FAR2: variants seen among roughly 807,000 people sequenced by gnomAD.
The protein encoded by FAR2 is epididymis secretory protein Li 81.
In FAR2, 19 loss-of-function variants were observed where a neutral mutation model predicts 56.0. The ratio of observed to expected loss-of-function variants is 0.34; its 90% CI spans 0.24 to 0.50. FAR2 has a LOEUF of 0.50. Ranked by LOEUF, FAR2 falls within the 20% of genes least tolerant of loss-of-function variation. FAR2 has a pLI of 0.98. For missense variants in FAR2, 508 were observed against 642.2 expected (o/e 0.79, Z 2.26); for synonymous variants, 219 against 218.8 (o/e 1.00, Z -0.01).
chr12:29,187,610 A>G (rs893501737), intron 1 of FAR2, among the ~76,000 whole-genome samples: 2 of 152,124 alleles, frequency 1.3e-5, no homozygotes, highest in African/African-American at 4.8e-5. Context: ...CTGGGATTTG[A>G]TACCTTTGTG....
chr12:29,183,713 C>T lies in FAR2; in HGVS notation c.-39+34306C>T, dbSNP rs138334088. 1.5e-4 allele frequency among the ~76,000 whole-genome samples: 23 copies of T among 152,172 alleles called. 1 individual carries two copies. The highest frequency in any genetic ancestry group is 3.9e-4 in the East Asian group (2 of 5,170). On this transcript the variant is annotated intron_variant, in intron 1 of 11. Coordinates refer to ENST00000536681, the MANE Select transcript of FAR2 (RefSeq NM_001271783.2). ...TGTTTTGTAGTACAGCTTTTATGTT[C>T]GTACTGAAGATAAAATGGAGAAGTA...
intron 2 of FAR2, among the ~76,000 whole-genome samples, chr12:29,275,584 G>A (rs1322306826): frequency 6.6e-6 from 1 of 152,174 alleles, no homozygotes; most frequent in African/African-American, 2.4e-5. Context: ...CACCAACAGT[G>A]TAAAAGTGTT....
rs1565688228 is a variant in FAR2 at position 29,194,909 on chromosome 12, AT to A, written c.-39+45504del. 1.3e-5 allele frequency among the ~76,000 whole-genome samples: 2 copies of A among 152,278 alleles called. 1 individual carries two copies. The highest frequency in any genetic ancestry group is 3.9e-4 in the East Asian group (2 of 5,162). On this transcript the variant is annotated intron_variant, in intron 1 of 11. Coordinates refer to ENST00000536681, the MANE Select transcript of FAR2 (RefSeq NM_001271783.2). ...GGGTGTTCAGATTAGCAAGAAAAAG[AT>A]TGTTTAGTTAACATGGAATTGAAGC...
At chr12:29,222,736 G>C (rs1947710023) in intron 1 of FAR2, among the ~76,000 whole-genome samples, 1 of 152,192 alleles carries the variant, frequency 6.6e-6, no homozygotes, top group African/African-American at 2.4e-5. Context: ...CCTGACTAAA[G>C]TTGGGTCAAA....
At chr12:29,296,977 A>G (rs1949082274) in intron 3 of FAR2, 44 bp from the exon 4 acceptor site, 2 of 1,523,684 alleles carry the variant, frequency 1.3e-6, no homozygotes, top group Non-Finnish European at 1.8e-6. Flanking sequence ...AAGGCATGAT[A>G]CTGACTTACT....
intron 4 of FAR2, among the ~76,000 whole-genome samples, chr12:29,298,401 T>G (rs1287295778): frequency 2.0e-5 from 3 of 151,914 alleles, no homozygotes; most frequent in Non-Finnish European, 2.9e-5. Context: ...GTATTTATAT[T>G]TAATATATAC....
At chr12:29,248,998 T>G (rs1948169594) in intron 1 of FAR2, among the ~76,000 whole-genome samples, 1 of 152,218 alleles carries the variant, frequency 6.6e-6, no homozygotes, top group South Asian at 2.1e-4. Flanking sequence ...GATTTCATAT[T>G]GCTCAAACAC....
At chr12:29,259,529 C>T (rs1160189207) in intron 1 of FAR2, among the ~76,000 whole-genome samples, 1 of 152,038 alleles carries the variant, frequency 6.6e-6, no homozygotes, top group African/African-American at 2.4e-5. Flanking sequence ...AATAAAGTTC[C>T]CATATGCTGA....
intron 1 of FAR2, among the ~76,000 whole-genome samples, chr12:29,206,851 G>A (rs1329652454): frequency 1.3e-5 from 2 of 152,160 alleles, no homozygotes; most frequent in Admixed American, 6.5e-5. Context: ...TTTGGTGTGA[G>A]CATCGGATAG....
At position 29,311,685 on chromosome 12, in the gene FAR2, CACACACACAT is replaced by C. The variant is rs892574076; in HGVS notation, c.888-197_888-188del. Reference sequence around the variant, plus strand: ...TCTCTTTCACACACACACACACACACACACACACATGCTTTTCCTAGTCTTCTTCCATTTT... The same window carrying C: ...TCTCTTTCACACACACACACACACACGCTTTTCCTAGTCTTCTTCCATTTT... On this transcript the variant is annotated intron_variant, in intron 7 of 11. Transcript: ENST00000536681. 6.6e-5 allele frequency among the ~76,000 whole-genome samples: 10 copies of C among 151,840 alleles called. No individual in the cohort carries two copies. The South Asian group carries it at 1.9e-3, about 28-fold the overall frequency.
chr12:29,287,807 T>A (rs1193029450), intron 2 of FAR2, among the ~76,000 whole-genome samples: 1 of 152,166 alleles, frequency 6.6e-6, no homozygotes, highest in African/African-American at 2.4e-5. Flanking sequence ...TGTGGATACT[T>A]ACAAAATGAG....
At chr12:29,274,004 C>A (rs1458833284) in intron 2 of FAR2, among the ~76,000 whole-genome samples, 1 of 152,146 alleles carries the variant, frequency 6.6e-6, no homozygotes, top group Non-Finnish European at 1.5e-5. Flanking sequence ...CTGGATAACT[C>A]TGTTGCTGGC....
At chr12:29,311,308 T>C (rs1949347600) in intron 7 of FAR2, among the ~76,000 whole-genome samples, 162 bp downstream of exon 7, 1 of 152,192 alleles carries the variant, frequency 6.6e-6, no homozygotes, top group South Asian at 2.1e-4. Context: ...CATATATGCA[T>C]TGAGTTGTTT....
At chr12:29,287,001 C>T (rs953319928) in intron 2 of FAR2, among the ~76,000 whole-genome samples, 3 of 152,042 alleles carry the variant, frequency 2.0e-5, no homozygotes, top group African/African-American at 7.2e-5. Context: ...AAGTAACTTC[C>T]CCCAGTCACA....
intron 2 of FAR2, among the ~76,000 whole-genome samples, chr12:29,284,967 G>A (rs554023173): frequency 3.9e-4 from 59 of 152,044 alleles, no homozygotes; most frequent in Admixed American, 3.7e-3. Context: ...TTAGCCTCCC[G>A]AGTAGCTGGG....
At chr12:29,252,173 C>A (rs1347123432) in intron 1 of FAR2, among the ~76,000 whole-genome samples, 1 of 152,126 alleles carries the variant, frequency 6.6e-6, no homozygotes, top group Non-Finnish European at 1.5e-5. Context: ...TGCTACTCCA[C>A]AGTGGAGGTA....
At chr12:29,159,462 C>T (rs1332121924) in intron 1 of FAR2, among the ~76,000 whole-genome samples, 1 of 147,868 alleles carries the variant, frequency 6.8e-6, no homozygotes, top group East Asian at 2.0e-4. Context: ...GGTGTGAATC[C>T]AGGAGGCAGA....
At chr12:29,257,146 AG>A (rs1188413282) in intron 1 of FAR2, among the ~76,000 whole-genome samples, 1 of 152,204 alleles carries the variant, frequency 6.6e-6, no homozygotes, top group Non-Finnish European at 1.5e-5. Context: ...TGTCTAGCTC[AG>A]GGATTGTAAA....
chr12:29,191,526 CG>C (rs1765420043), intron 1 of FAR2, among the ~76,000 whole-genome samples: 1 of 152,128 alleles, frequency 6.6e-6, no homozygotes. Context: ...TTTGAAACAC[CG>C]ATGTGTGTAA....
Sources: allele counts gnomAD v4.1 joint callset (sites outside exome capture counted in the v4.1 genomes callset), GRCh38; gene constraint gnomAD v4.1.1; transcripts MANE v1.5; gene names NCBI Gene and HGNC (gene_info 2026-07-23, HGNC 2026-07-21).